The following TRIO variants were observed in gnomAD, a reference collection of about 807,000 sequenced individuals.
TRIO encodes the protein triple functional domain protein.
In TRIO, 58 loss-of-function variants were observed where a neutral mutation model predicts 351.9. That is an observed-to-expected ratio of 0.16 (90% CI 0.13 to 0.21). The LOEUF is 0.21. Among genes scored for constraint, TRIO ranks in the 10% least tolerant of loss-of-function variants. TRIO has a pLI of 1.00. For synonymous variants in TRIO, 1,758 were observed against 1,595.7 expected, an observed-to-expected ratio of 1.10 and a Z score of -2.42; for missense variants, 3,201 against 4,027.8, an observed-to-expected ratio of 0.79 and a Z score of 5.56.
At chr5:14,196,422 C>CAAAAAAAAAA (rs71597902) in intron 1 of TRIO, among the ~76,000 whole-genome samples, 1 of 101,692 alleles carries the variant, frequency 9.8e-6, no homozygotes, top group Non-Finnish European at 1.8e-5. Context: ...GACTCCGTCT[C>CAAAAAAAAAA]AAAAAAAAAA....
intron 1 of TRIO, among the ~76,000 whole-genome samples, chr5:14,179,362 AC>A (rs1789607738): frequency 6.6e-6 from 1 of 152,160 alleles, no homozygotes; most frequent in Non-Finnish European, 1.5e-5. Flanking sequence ...CAATTTTAAA[AC>A]CATTTTAAAA....
chr5:14,427,670 A>G lies in TRIO; in HGVS notation c.5203+7649A>G, dbSNP rs185183122. Among the ~76,000 whole-genome samples, 840 of 152,110 alleles carry G rather than the reference A, an allele frequency of 5.5e-3. 10 individuals are homozygous for G. The highest frequency in any genetic ancestry group is 0.019 in the African/African-American group (803 of 41,494). On this transcript the variant is annotated intron_variant, in intron 34 of 56. Coordinates refer to ENST00000344204, the MANE Select transcript of TRIO (RefSeq NM_007118.4). ...GGCCGCGGCCTTGTCCTGGATTCTC[A>G]CCGGGGCAGTCACGTCAGGATGGAG...
At chr5:14,446,747 T>A (rs1752471537) in intron 34 of TRIO, among the ~76,000 whole-genome samples, 1 of 152,146 alleles carries the variant, frequency 6.6e-6, no homozygotes, top group African/African-American at 2.4e-5. Flanking sequence ...GAATTCCTAA[T>A]TGGTTACAGC....
chr5:14,502,558 C>T, intron 53 of TRIO, 21 bp from the exon 54 acceptor site: 1 of 1,613,356 alleles, frequency 6.2e-7, no homozygotes, highest in Non-Finnish European at 8.5e-7. Flanking sequence ...CAAGCTCAGG[C>T]AGGTGCTGTT....
At chr5:14,173,864 T>C (rs1418450145) in intron 1 of TRIO, among the ~76,000 whole-genome samples, 1 of 152,236 alleles carries the variant, frequency 6.6e-6, no homozygotes, top group Admixed American at 6.5e-5. Flanking sequence ...TCTCTGTGAC[T>C]GTTACTCTCC....
chr5:14,223,234 T>C (rs1278767896), intron 1 of TRIO, among the ~76,000 whole-genome samples: 1 of 152,194 alleles, frequency 6.6e-6, no homozygotes, highest in Non-Finnish European at 1.5e-5. Flanking sequence ...TTTGGAAAAA[T>C]AGTATTTCCT....
chr5:14,488,228 G>T lies in TRIO; in HGVS notation c.7600G>T (p.Glu2534Ter). 6.3e-7 allele frequency: 1 copy of T among 1,586,828 alleles called. No individual in the cohort carries two copies. The highest frequency in any genetic ancestry group is 2.3e-5 in the East Asian group (1 of 44,224). Residue 2534 changes from glutamate to a stop codon, truncating the protein, a stop_gained, in exon 48 of 57, where the codon GAG (glutamate) becomes TAG (stop). Coordinates refer to ENST00000344204, the MANE Select transcript of TRIO (RefSeq NM_007118.4). LOFTEE classifies it high-confidence loss of function. ...DRMSTCSSAS[E>*]QSVQSTQSNG... ...CATGAGCACGTGCTCCTCGGCCAGC[G>T]AGCAGTCCGTGCAGTCCACCCAGAG...
chr5:14,431,541 C>G (rs1339062836), intron 34 of TRIO, among the ~76,000 whole-genome samples: 1 of 152,168 alleles, frequency 6.6e-6, no homozygotes, highest in Admixed American at 6.5e-5. Flanking sequence ...TCTCCCCAAC[C>G]CCTTTTCAGG....
At chr5:14,218,741 CGGCTGCTGT>C (rs1317435707) in intron 1 of TRIO, among the ~76,000 whole-genome samples, 1 of 152,234 alleles carries the variant, frequency 6.6e-6, no homozygotes, top group Non-Finnish European at 1.5e-5. Flanking sequence ...GGGCTATACC[CGGCTGCTGT>C]GGGGGTTCCG....
intron 6 of TRIO, among the ~76,000 whole-genome samples, chr5:14,293,488 C>G (rs1018340572): frequency 6.6e-6 from 1 of 152,208 alleles, no homozygotes; most frequent in Admixed American, 6.5e-5. Flanking sequence ...CCAGACGGAG[C>G]GCTGTCAGTT....
chr5:14,395,308 C>G (rs1313828875), intron 28 of TRIO, among the ~76,000 whole-genome samples: 1 of 152,218 alleles, frequency 6.6e-6, no homozygotes, highest in East Asian at 1.9e-4. Flanking sequence ...CAAAATAAGT[C>G]AGGAGGCTAA....
intron 37 of TRIO, chr5:14,465,987 G>C (rs1479156158): frequency 6.8e-6 from 2 of 292,600 alleles, no homozygotes; most frequent in Non-Finnish European, 1.4e-5. Context: ...AACCACAGCA[G>C]CTCACCCGAG....
chr5:14,381,659 G>A (rs56230710), intron 21 of TRIO, among the ~76,000 whole-genome samples: 4,045 of 152,180 alleles, frequency 0.027, 56 homozygotes, highest in Middle Eastern at 0.068. Context: ...GTGTTTCACC[G>A]TCTTTAGATG....
At chr5:14,242,825 C>T (rs562784432) in intron 1 of TRIO, among the ~76,000 whole-genome samples, 1 of 152,202 alleles carries the variant, frequency 6.6e-6, no homozygotes, top group Non-Finnish European at 1.5e-5. Flanking sequence ...TTTGATTGCT[C>T]CAAGTCAGCC....
At chr5:14,490,306 G>C (rs1309837168) in intron 48 of TRIO, among the ~76,000 whole-genome samples, 2 of 152,166 alleles carry the variant, frequency 1.3e-5, no homozygotes, top group Non-Finnish European at 2.9e-5. Context: ...TTGCACTTCT[G>C]TCCCCCTGGA....
rs1757527321 is a variant in TRIO, at chr5:14,504,538, G to A, written c.8557G>A (p.Val2853Ile). ...ILQSLQHPLL[V>I]GLLDTFETPT... ...GCAGAGCCTCCAGCACCCCCTGCTTGTCGGCCTCCTCGACACCTTTGAGAC... is the reference window on the plus strand; with the variant it reads ...GCAGAGCCTCCAGCACCCCCTGCTTATCGGCCTCCTCGACACCTTTGAGAC... The change falls in exon 55 of 57, where the codon GTC (valine) becomes ATC (isoleucine). Residue 2853 changes from valine (V) to isoleucine (I), a missense_variant. Coordinates refer to ENST00000344204, the MANE Select transcript of TRIO (RefSeq NM_007118.4). 6.2e-7 allele frequency: 1 copy of A among 1,614,122 alleles called. No homozygotes were observed. Among genetic ancestry groups the A allele is most frequent in the Non-Finnish European group, 8.5e-7 (1 of 1,180,030 alleles).
intron 8 of TRIO, among the ~76,000 whole-genome samples, chr5:14,305,822 T>G (rs1192983970): frequency 6.6e-6 from 1 of 152,244 alleles, no homozygotes; most frequent in Admixed American, 6.5e-5. Context: ...TGGTCAGTGA[T>G]GGACTGCAAA....
At chr5:14,207,961 T>C (rs1487170427) in intron 1 of TRIO, among the ~76,000 whole-genome samples, 1 of 152,086 alleles carries the variant, frequency 6.6e-6, no homozygotes, top group Non-Finnish European at 1.5e-5. Context: ...TAAATCACAA[T>C]GAAATACCAC....
At chr5:14,201,899 A>G (rs1055651894) in intron 1 of TRIO, among the ~76,000 whole-genome samples, 5 of 146,624 alleles carry the variant, frequency 3.4e-5, no homozygotes, top group Admixed American at 2.1e-4. Flanking sequence ...GTTCTCACTC[A>G]TAGGTGGGAA....
Sources: gnomAD v4.1 joint callset for allele counts (sites outside exome capture counted in the v4.1 genomes callset) on GRCh38, gnomAD v4.1.1 for gene constraint, MANE v1.5 for transcripts, NCBI Gene and HGNC (gene_info 2026-07-23, HGNC 2026-07-21) for gene names.